Variants in ZFAND3 observed in about 807,000 individuals in gnomAD.
ZFAND3 encodes the protein AN1-type zinc finger protein 3.
Under a neutral mutation model 29.6 loss-of-function variants are expected in ZFAND3, and 10 were observed. The observed-to-expected ratio is 0.34, with a 90% CI of 0.21 to 0.57. ZFAND3 has a LOEUF of 0.57. Among genes scored for constraint, ZFAND3 ranks in the 20% least tolerant of loss-of-function variants. ZFAND3 has a pLI of 0.86. For synonymous variants in ZFAND3, 128 were observed against 112.6 expected (o/e 1.14, Z -0.87); for missense variants, 230 against 304.5 (o/e 0.76, Z 1.82).
At chr6:37,961,296 G>A (rs1561947839) in intron 2 of ZFAND3, among the ~76,000 whole-genome samples, 1 of 152,330 alleles carries the variant, frequency 6.6e-6, no homozygotes, top group East Asian at 1.9e-4. Context: ...AGAGTAGGAA[G>A]GACTGTGTCT....
intron 4 of ZFAND3, among the ~76,000 whole-genome samples, chr6:38,091,892 G>A (rs1416545185): frequency 6.6e-6 from 1 of 152,006 alleles, no homozygotes. Flanking sequence ...ATGCAGCGAG[G>A]GCTAATAGAG....
intron 1 of ZFAND3, among the ~76,000 whole-genome samples, chr6:37,889,948 C>T (rs542432639): frequency 1.3e-5 from 2 of 152,250 alleles, no homozygotes; most frequent in Admixed American, 6.5e-5. Flanking sequence ...CATGTTAAGA[C>T]GTGTTCCATC....
intron 3 of ZFAND3, among the ~76,000 whole-genome samples, chr6:38,067,909 C>T (rs1458782065): frequency 1.3e-5 from 2 of 152,096 alleles, no homozygotes; most frequent in Non-Finnish European, 2.9e-5. Flanking sequence ...CTTCCCAGTC[C>T]CACTAGCATA....
At chr6:38,084,027 T>C (rs1056615663) in intron 4 of ZFAND3, among the ~76,000 whole-genome samples, 1 of 152,180 alleles carries the variant, frequency 6.6e-6, no homozygotes, top group African/African-American at 2.4e-5. Flanking sequence ...ATGTAGGCAC[T>C]CATAAACTTA....
intron 1 of ZFAND3, chr6:37,832,938 T>C (rs1763891502): frequency 6.6e-6 from 1 of 152,278 alleles, no homozygotes; most frequent in Non-Finnish European, 1.5e-5. Context: ...TCCTCCCGTC[T>C]TGGCCTCCCA....
At chr6:38,110,481 G>A (rs1051104885) in intron 4 of ZFAND3, among the ~76,000 whole-genome samples, 27 of 152,118 alleles carry the variant, frequency 1.8e-4, no homozygotes, top group African/African-American at 6.5e-4. Context: ...AGTTTTTCCA[G>A]TGAGAGTGTG....
intron 2 of ZFAND3, among the ~76,000 whole-genome samples, chr6:37,931,946 C>G (rs1329612395): frequency 6.6e-6 from 1 of 152,116 alleles, no homozygotes; most frequent in Non-Finnish European, 1.5e-5. Flanking sequence ...GGTTTTTATT[C>G]AGCTTTTAGC....
chr6:37,905,286 T>C (rs1765388208), intron 1 of ZFAND3, among the ~76,000 whole-genome samples: 1 of 152,188 alleles, frequency 6.6e-6, no homozygotes, highest in Non-Finnish European at 1.5e-5. Context: ...TCTTGGGCAT[T>C]GACCCAACGA....
At chr6:37,924,478 C>T (rs1581765507) in intron 1 of ZFAND3, among the ~76,000 whole-genome samples, 1 of 152,064 alleles carries the variant, frequency 6.6e-6, no homozygotes, top group Admixed American at 6.6e-5. Context: ...GGCAAACAGG[C>T]ATGTGGTGAG....
At chr6:37,945,221 A>G (rs938427878) in intron 2 of ZFAND3, among the ~76,000 whole-genome samples, 4 of 152,108 alleles carry the variant, frequency 2.6e-5, no homozygotes, top group African/African-American at 9.7e-5. Context: ...ATGTATTTCA[A>G]CAGTTTCCTT....
chr6:37,823,347 A>G (rs996944220), intron 1 of ZFAND3, among the ~76,000 whole-genome samples: 6 of 152,188 alleles, frequency 3.9e-5, no homozygotes, highest in African/African-American at 1.4e-4. Context: ...TCTAGGTCTA[A>G]AGTCAGCTAG....
intron 2 of ZFAND3, among the ~76,000 whole-genome samples, chr6:37,932,491 C>A (rs897016868): frequency 1.3e-5 from 2 of 152,176 alleles, no homozygotes; most frequent in African/African-American, 4.8e-5. Flanking sequence ...CCCAACACTT[C>A]TGGTCTCAAG....
At chr6:37,912,702 G>A (rs1447519788) in intron 1 of ZFAND3, among the ~76,000 whole-genome samples, 1 of 152,196 alleles carries the variant, frequency 6.6e-6, no homozygotes, top group Non-Finnish European at 1.5e-5. Flanking sequence ...GTATTTCACA[G>A]TGTAAGCATA....
chr6:38,125,562 C>T (rs1218667196), intron 5 of ZFAND3, among the ~76,000 whole-genome samples: 1 of 152,222 alleles, frequency 6.6e-6, no homozygotes, highest in African/African-American at 2.4e-5. Flanking sequence ...ACAGGTATGG[C>T]AGAAGACCCT....
At chr6:37,983,330 T>C (rs1762611020) in intron 2 of ZFAND3, among the ~76,000 whole-genome samples, 1 of 148,206 alleles carries the variant, frequency 6.7e-6, no homozygotes, top group Non-Finnish European at 1.5e-5. Flanking sequence ...TATACAGGTG[T>C]ACCAGTTTTT....
chr6:38,072,012 C>T (rs552442298), intron 3 of ZFAND3, among the ~76,000 whole-genome samples: 1 of 152,266 alleles, frequency 6.6e-6, no homozygotes, highest in East Asian at 1.9e-4. Context: ...CTGTACCATA[C>T]AGTAACCCCA....
At chr6:37,874,656 C>T (rs1764760174) in intron 1 of ZFAND3, among the ~76,000 whole-genome samples, 2 of 152,030 alleles carry the variant, frequency 1.3e-5, no homozygotes, top group Admixed American at 1.3e-4. Context: ...TGAAGTATTG[C>T]AGGTTAGGTC....
At chr6:37,861,749 T>C (rs547282411) in intron 1 of ZFAND3, among the ~76,000 whole-genome samples, 3 of 152,388 alleles carry the variant, frequency 2.0e-5, no homozygotes, top group East Asian at 1.9e-4. Context: ...CAGAGCCTTA[T>C]GTATTATGAT....
At chr6:38,027,802 G>T (rs1020285666) in intron 2 of ZFAND3, among the ~76,000 whole-genome samples, 2 of 152,216 alleles carry the variant, frequency 1.3e-5, no homozygotes, top group African/African-American at 4.8e-5. Context: ...TGACTCAGCA[G>T]AATGTCTCAG....
Sources: gnomAD v4.1 joint callset for allele counts (sites outside exome capture counted in the v4.1 genomes callset) on GRCh38, gnomAD v4.1.1 for gene constraint, MANE v1.5 for transcripts, NCBI Gene and HGNC (gene_info 2026-07-23, HGNC 2026-07-21) for gene names.